AFAP1: variants seen among roughly 807,000 people sequenced by gnomAD.
The protein encoded by AFAP1 is actin filament associated protein 1, also known as actin filament-associated protein 1.
AFAP1 carries 75 observed loss-of-function variants against 93.9 expected under a neutral mutation model. The ratio of observed to expected loss-of-function variants is 0.80; its 90% CI spans 0.66 to 0.97. The LOEUF (loss-of-function observed/expected upper bound fraction) is 0.97. AFAP1 is among the 50% of genes least tolerant of loss of function. AFAP1 has a pLI of 0.00. For missense variants in AFAP1, 1,201 were observed against 1,050.8 expected (o/e 1.14, Z -1.98); for synonymous variants, 517 against 430.7 (o/e 1.20, Z -2.48).
chr4:7,814,969 G>T (rs1222310922), intron 8 of AFAP1, among the ~76,000 whole-genome samples: 1 of 152,260 alleles, frequency 6.6e-6, no homozygotes, highest in Non-Finnish European at 1.5e-5. Flanking sequence ...GCTCACGGCA[G>T]CATCTTTCAC....
chr4:7,857,908 T>C (rs960812804), intron 3 of AFAP1, among the ~76,000 whole-genome samples: 2 of 152,240 alleles, frequency 1.3e-5, no homozygotes, highest in African/African-American at 4.8e-5. Context: ...TTGGTGGTCA[T>C]GTACTTGGCA....
chr4:7,869,048 G>A (rs1314081223), intron 2 of AFAP1, among the ~76,000 whole-genome samples: 6 of 114,164 alleles, frequency 5.3e-5, no homozygotes, highest in African/African-American at 2.0e-4. Context: ...GAAAAGAAAA[G>A]AGAAAGAGAA....
At chr4:7,774,675 A>C (rs894043935) in intron 15 of AFAP1, 64 bp downstream of exon 15, 3 of 1,568,002 alleles carry the variant, frequency 1.9e-6, no homozygotes, top group Non-Finnish European at 2.6e-6. Flanking sequence ...TGGGCAAAGC[A>C]GAATGAAATC....
intron 9 of AFAP1, among the ~76,000 whole-genome samples, chr4:7,802,823 G>A (rs2149036134): frequency 6.6e-6 from 1 of 151,946 alleles, no homozygotes; most frequent in Non-Finnish European, 1.5e-5. Flanking sequence ...CTAATTTTTT[G>A]TATTTTTAGT....
intron 1 of AFAP1, among the ~76,000 whole-genome samples, chr4:7,904,377 T>C (rs911440529): frequency 6.6e-6 from 1 of 152,214 alleles, no homozygotes; most frequent in Non-Finnish European, 1.5e-5. Flanking sequence ...ACTATCTATA[T>C]GGAATTCAAG....
chr4:7,803,330 T>C (rs13113113), intron 9 of AFAP1, among the ~76,000 whole-genome samples: 31,333 of 152,246 alleles, frequency 0.21, 4,196 homozygotes, highest in Non-Finnish European at 0.3. Context: ...CAGGCAACCC[T>C]TCACGAGGCC....
chr4:7,926,018 G>C (rs989909907), intron 1 of AFAP1, among the ~76,000 whole-genome samples: 15 of 152,174 alleles, frequency 9.9e-5, no homozygotes, highest in African/African-American at 3.6e-4. Context: ...ACAGCTGTGA[G>C]TTCCTACTGC....
chr4:7,859,934 G>A (rs1417203851), intron 3 of AFAP1, among the ~76,000 whole-genome samples: 3 of 151,964 alleles, frequency 2.0e-5, no homozygotes, highest in Non-Finnish European at 4.4e-5. Context: ...TTAAAGCCAG[G>A]AGCTCAAGAC....
At chr4:7,769,736 T>C (rs1403275839) in intron 16 of AFAP1, among the ~76,000 whole-genome samples, 1 of 152,212 alleles carries the variant, frequency 6.6e-6, no homozygotes, top group African/African-American at 2.4e-5. Flanking sequence ...CAAAATGTGT[T>C]TGTTATGTAA....
chr4:7,855,544 T>C lies in AFAP1; in HGVS notation c.256A>G (p.Thr86Ala). The C allele has an allele frequency of 6.2e-7, 1 of 1,614,014 alleles. No individual in the cohort carries two copies. Among genetic ancestry groups the C allele is most frequent in the Non-Finnish European group, 8.5e-7 (1 of 1,179,950 alleles). The change falls in exon 4 of 18, where the codon ACA (threonine) becomes GCA (alanine). Residue 86 changes from threonine (T) to alanine (A), a missense_variant. By Grantham distance (58) the Thr-to-Ala change is moderately conservative. Transcript: ENST00000420658. Reference sequence around the variant, plus strand: ...TAATAACCTTCTGGGAGGGAGGATGTTGGCAATGGTGGAGGCCCACTGTCA... The same window carrying C: ...TAATAACCTTCTGGGAGGGAGGATGCTGGCAATGGTGGAGGCCCACTGTCA... ...PPDSGPPPLP[T>A]SSLPEGYYEE...
At position 7,781,428 on chromosome 4, in the gene AFAP1, G is replaced by T. The variant is rs191882508; in HGVS notation, c.1730C>A (p.Ser577Tyr). 7 of 1,552,080 alleles carry T rather than the reference G, an allele frequency of 4.5e-6. No homozygotes were observed. The highest frequency in any genetic ancestry group is 1.7e-4 in the Middle Eastern group (1 of 5,998). Residue 577 changes from serine to tyrosine, a missense_variant, in exon 13 of 18, where the codon TCT becomes TAT. Coordinates refer to ENST00000420658, the MANE Select transcript of AFAP1 (RefSeq NM_001134647.2). The part of the protein sequence containing the change: ...NHYKYPASAQ[S>Y]VTNTSSVGRA... Reference sequence around the variant, plus strand: ...CCCCACAGAAGAGGTATTAGTGACAGACTGAGCGGAGGCAGGGTATTTGTA... The same window carrying T: ...CCCCACAGAAGAGGTATTAGTGACATACTGAGCGGAGGCAGGGTATTTGTA...
chr4:7,854,559 A>G (rs1714828724), intron 4 of AFAP1, among the ~76,000 whole-genome samples: 1 of 152,214 alleles, frequency 6.6e-6, no homozygotes, highest in Admixed American at 6.5e-5. Flanking sequence ...TGAAATGCAA[A>G]GTCTCTATGT....
At chr4:7,764,325 G>A (rs1025404880) in intron 17 of AFAP1, among the ~76,000 whole-genome samples, 5 of 152,188 alleles carry the variant, frequency 3.3e-5, no homozygotes, top group African/African-American at 4.8e-5. Context: ...AGGATGGCGT[G>A]AGGCTAGGAG....
At chr4:7,776,026 C>G (rs67476190) in intron 14 of AFAP1, 1 of 152,222 alleles carries the variant, frequency 6.6e-6, no homozygotes, top group Non-Finnish European at 1.5e-5. Context: ...AGGACAACAC[C>G]TCTTTGTTAA....
At chr4:7,915,873 C>T (rs544923650) in intron 1 of AFAP1, among the ~76,000 whole-genome samples, 38 of 152,306 alleles carry the variant, frequency 2.5e-4, no homozygotes, top group African/African-American at 7.7e-4. Context: ...CAAGGAATAG[C>T]GGATAAAGGA....
chr4:7,908,360 G>C (rs754530563), intron 1 of AFAP1, among the ~76,000 whole-genome samples: 13 of 152,176 alleles, frequency 8.5e-5, no homozygotes, highest in Non-Finnish European at 1.8e-4. Flanking sequence ...ATCACACTAG[G>C]CTTCCTGTGC....
intron 7 of AFAP1, among the ~76,000 whole-genome samples, chr4:7,816,687 G>T (rs1720510288): frequency 6.6e-6 from 1 of 152,216 alleles, no homozygotes; most frequent in African/African-American, 2.4e-5. Flanking sequence ...GAGGTAGAGT[G>T]TTTACAGCTA....
chr4:7,827,790 G>A (rs912775424), intron 6 of AFAP1, among the ~76,000 whole-genome samples: 3 of 151,934 alleles, frequency 2.0e-5, no homozygotes, highest in African/African-American at 7.3e-5. Flanking sequence ...GAGGAAGGCG[G>A]GAAAGGACAC....
intron 5 of AFAP1, among the ~76,000 whole-genome samples, chr4:7,841,423 G>C (rs193172511): frequency 1.3e-5 from 2 of 152,350 alleles, no homozygotes; most frequent in African/African-American, 4.8e-5. Flanking sequence ...GCAACCTTCA[G>C]TCCTGAAGCG....
Sources: allele counts gnomAD v4.1 joint callset (sites outside exome capture counted in the v4.1 genomes callset), GRCh38; gene constraint gnomAD v4.1.1; transcripts MANE v1.5; gene names NCBI Gene and HGNC (gene_info 2026-07-23, HGNC 2026-07-21).